NCKAP5: variants seen among roughly 807,000 people sequenced by gnomAD.
NCKAP5 encodes NCK associated protein 5.
Under a neutral mutation model 167.0 loss-of-function variants are expected in NCKAP5, and 92 were observed. That is an observed-to-expected ratio of 0.55 (90% CI 0.47 to 0.66). The LOEUF (loss-of-function observed/expected upper bound fraction) is 0.66, where lower values mean the gene tolerates loss of function less well. Among genes scored for constraint, NCKAP5 ranks in the 30% least tolerant of loss-of-function variants. The pLI is 0.00. For missense variants in NCKAP5, 2,378 were observed against 2,315.0 expected (o/e 1.03, Z -0.56); for synonymous variants, 891 against 877.4 (o/e 1.02, Z -0.27).
At chr2:132,805,303 A>G (rs1178949542) in intron 11 of NCKAP5, among the ~76,000 whole-genome samples, 1 of 152,098 alleles carries the variant, frequency 6.6e-6, no homozygotes, top group Non-Finnish European at 1.5e-5. Context: ...TAGTATCTGA[A>G]CCCTGGACAG....
At chr2:132,943,566 A>G (rs901376152) in intron 8 of NCKAP5, among the ~76,000 whole-genome samples, 1 of 152,214 alleles carries the variant, frequency 6.6e-6, no homozygotes, top group Non-Finnish European at 1.5e-5. Context: ...AAAGAGGAAT[A>G]TTTTATCAAA....
At chr2:132,678,552 G>T (rs534990232) in intron 19 of NCKAP5, among the ~76,000 whole-genome samples, 4 of 152,206 alleles carry the variant, frequency 2.6e-5, no homozygotes, top group African/African-American at 9.6e-5. Flanking sequence ...CATGGATCAA[G>T]AAAATATGTG....
intron 3 of NCKAP5, among the ~76,000 whole-genome samples, chr2:133,322,237 T>C (rs1198453799): frequency 6.6e-6 from 1 of 152,194 alleles, no homozygotes; most frequent in Non-Finnish European, 1.5e-5. Context: ...ATGCAAATAG[T>C]ACTTTGCTAA....
intron 4 of NCKAP5, among the ~76,000 whole-genome samples, chr2:133,296,112 T>C (rs58311735): frequency 0.2 from 31,103 of 151,972 alleles, 3,574 homozygotes; most frequent in African/African-American, 0.32. Context: ...TCCTCACATG[T>C]CCAGCTGCTC....
chr2:133,004,650 T>A (rs1312709593), intron 6 of NCKAP5, among the ~76,000 whole-genome samples: 1 of 152,202 alleles, frequency 6.6e-6, no homozygotes, highest in Non-Finnish European at 1.5e-5. Flanking sequence ...GAATTAATGA[T>A]GAGGTTCCAT....
the NCKAP5 span, among the ~76,000 whole-genome samples, chr2:133,632,844 A>G: frequency 1.3e-5 from 2 of 152,252 alleles, no homozygotes; most frequent in Non-Finnish European, 2.9e-5. Context: ...CAAAAGTGAG[A>G]AAGACAATTG....
intron 5 of NCKAP5, among the ~76,000 whole-genome samples, chr2:133,181,970 C>A (rs1215385800): frequency 6.6e-6 from 1 of 151,964 alleles, no homozygotes; most frequent in Non-Finnish European, 1.5e-5. Context: ...GCTAGAGTGA[C>A]TATATTAATA....
intron 3 of NCKAP5, among the ~76,000 whole-genome samples, chr2:133,417,788 T>C (rs1254067955): frequency 1.3e-5 from 2 of 152,136 alleles, no homozygotes; most frequent in Non-Finnish European, 2.9e-5. Context: ...GTGGGTCAAG[T>C]AGGCCATAAT....
intron 5 of NCKAP5, among the ~76,000 whole-genome samples, chr2:133,166,109 A>T (rs2083991427): frequency 6.6e-6 from 1 of 152,186 alleles, no homozygotes; most frequent in South Asian, 2.1e-4. Context: ...GAGGTCCATC[A>T]GAGAAAGTCT....
rs1056327631 is a variant in NCKAP5, at chr2:133,252,959, C to T, written c.144-39180G>A. Among the ~76,000 whole-genome samples the T allele has an allele frequency of 2.6e-5, 4 of 152,232 alleles. No individual in the cohort carries two copies. In the South Asian group the frequency reaches 8.3e-4, roughly 32 times the overall value. ...GCCTCAGGGGGTCTGCAGATAGCAA[C>T]TTGTGGCACGTGAGGTGAAGACTCT... On this transcript the variant is annotated intron_variant, in intron 4 of 19. Transcript: ENST00000409261.
chr2:133,496,479 G>A (rs528928262), intron 3 of NCKAP5, among the ~76,000 whole-genome samples: 2 of 152,194 alleles, frequency 1.3e-5, no homozygotes, highest in South Asian at 2.1e-4. Flanking sequence ...GACAGAAAAT[G>A]CATCTCATAA....
Position 133,192,924 on chromosome 2 carries a change from C to A in NCKAP5, c.207+20792G>T, listed in dbSNP as rs143612291. ...TCTCAGAGAAATGAAAACTTATGTT[C>A]GCACAAAAACCTGTACACAAATGTT... On this transcript the variant is annotated intron_variant, in intron 5 of 19. Transcript: ENST00000409261. Among the ~76,000 whole-genome samples the A allele has an allele frequency of 7.9e-5, 12 of 152,120 alleles. 1 individual carries two copies. Among genetic ancestry groups the A allele is most frequent in the African/African-American group, 2.6e-4 (11 of 41,540 alleles).
rs527705526 is a variant in NCKAP5, at chr2:133,236,070, C to CAAAAAAAAAAAAAAAAAAA, written c.144-22310_144-22292dup. ...GACAAATCAAGACCCTGTCTCAGAC[C>CAAAAAAAAAAAAAAAAAAA]AAAAAAAAAAAAAAAAAAAAAAAAA... is the stretch of plus-strand genomic sequence containing the variant. On this transcript the variant is annotated intron_variant, in intron 4 of 19. Transcript: ENST00000409261. Among the ~76,000 whole-genome samples, 6 of 15,656 alleles carry CAAAAAAAAAAAAAAAAAAA rather than the reference C, an allele frequency of 3.8e-4. 2 individuals are homozygous for CAAAAAAAAAAAAAAAAAAA. Among genetic ancestry groups the CAAAAAAAAAAAAAAAAAAA allele is most frequent in the African/African-American group, 8.5e-4 (6 of 7,066 alleles). 10.3% of individuals were successfully genotyped at this position (15,656 alleles called of 152,430 possible). A position where few individuals can be genotyped will look rare whatever the true frequency, so the allele number is the denominator to read the frequency against.
rs74858396 is a variant in NCKAP5, at chr2:133,472,665, G to A, written c.69+44793C>T. 3.2e-3 allele frequency among the ~76,000 whole-genome samples: 494 copies of A among 152,146 alleles called. 2 individuals are homozygous for A. The highest frequency in any genetic ancestry group is 0.011 in the African/African-American group (474 of 41,504). On this transcript the variant is annotated intron_variant, in intron 3 of 19. Transcript: ENST00000409261. ...CCATATGTACTAACCCTGCAAAAATGTACCATGTAATCACATTAACTCCTC... is the reference window on the plus strand; with the variant it reads ...CCATATGTACTAACCCTGCAAAAATATACCATGTAATCACATTAACTCCTC...
chr2:132,890,918 A>G (rs1692646861), intron 8 of NCKAP5, among the ~76,000 whole-genome samples: 1 of 152,178 alleles, frequency 6.6e-6, no homozygotes, highest in Non-Finnish European at 1.5e-5. Context: ...CAGAGAAACA[A>G]ATACGTGTAC....
At chr2:133,278,838 G>A (rs966455774) in intron 4 of NCKAP5, among the ~76,000 whole-genome samples, 14 of 141,112 alleles carry the variant, frequency 9.9e-5, no homozygotes, top group African/African-American at 3.7e-4. Context: ...AAACTTAATA[G>A]AAAAGTTGGC....
intron 6 of NCKAP5, among the ~76,000 whole-genome samples, chr2:133,031,538 C>T (rs1428541474): frequency 6.6e-6 from 1 of 152,114 alleles, no homozygotes; most frequent in South Asian, 2.1e-4. Context: ...ATAAGGATTG[C>T]AACTTTTAGG....
chr2:132,868,889 T>C (rs769063522), intron 10 of NCKAP5, 47 bp downstream of exon 10: 2 of 1,428,262 alleles, frequency 1.4e-6, no homozygotes, highest in South Asian at 2.7e-5. Context: ...AGCTCCAATA[T>C]AGTCACAAAA....
chr2:133,335,653 A>G (rs1441080734), intron 3 of NCKAP5, among the ~76,000 whole-genome samples: 1 of 152,190 alleles, frequency 6.6e-6, no homozygotes, highest in Non-Finnish European at 1.5e-5. Context: ...ACATATCTTT[A>G]CTTTTGCATA....
Sources: gnomAD v4.1 joint callset for allele counts (sites outside exome capture counted in the v4.1 genomes callset) on GRCh38, gnomAD v4.1.1 for gene constraint, MANE v1.5 for transcripts, NCBI Gene and HGNC (gene_info 2026-07-23, HGNC 2026-07-21) for gene names.